Variants in COP1 observed in about 807,000 individuals in gnomAD.
COP1 encodes the protein E3 ubiquitin-protein ligase COP1.
Under a neutral mutation model 101.3 loss-of-function variants are expected in COP1, and 24 were observed. The ratio of observed to expected loss-of-function variants is 0.24; its 90% CI spans 0.17 to 0.33. The LOEUF (loss-of-function observed/expected upper bound fraction) is 0.33, where lower values mean the gene tolerates loss of function less well. Among genes scored for constraint, COP1 ranks in the 10% least tolerant of loss-of-function variants. COP1 has a pLI of 1.00. For missense variants in COP1, 663 were observed against 906.2 expected, an observed-to-expected ratio of 0.73 and a Z score of 3.45; for synonymous variants, 347 against 341.9, an observed-to-expected ratio of 1.01 and a Z score of -0.17.
At chr1:176,070,318 T>C (rs1181474616) in intron 11 of COP1, among the ~76,000 whole-genome samples, 1 of 151,374 alleles carries the variant, frequency 6.6e-6, no homozygotes, top group Non-Finnish European at 1.5e-5. Context: ...TATCTCCCTA[T>C]TGCCACTTGT....
intron 3 of COP1, among the ~76,000 whole-genome samples, chr1:176,175,278 C>T (rs1281558767): frequency 2.6e-5 from 4 of 152,098 alleles, no homozygotes; most frequent in Non-Finnish European, 5.9e-5. Flanking sequence ...CACAGGGATA[C>T]CTAAAGGTGT....
intron 11 of COP1, among the ~76,000 whole-genome samples, chr1:176,072,516 C>A (rs536599491): frequency 6.6e-6 from 1 of 152,182 alleles, no homozygotes. Context: ...TCTCAACCAA[C>A]CCCAGATGGT....
intron 5 of COP1, among the ~76,000 whole-genome samples, chr1:176,152,479 AC>A (rs1266705942): frequency 6.6e-6 from 1 of 151,564 alleles, no homozygotes; most frequent in Non-Finnish European, 1.5e-5. Flanking sequence ...ACAGAGCCTC[AC>A]TCTGTTTCCC....
chr1:176,140,990 GA>G (rs1331289584), intron 6 of COP1, among the ~76,000 whole-genome samples: 1 of 152,128 alleles, frequency 6.6e-6, no homozygotes, highest in Non-Finnish European at 1.5e-5. Context: ...CCCTTACGAA[GA>G]TAATAGATAG....
rs1221346926 is a variant in COP1, at chr1:176,141,749, A to T, written c.832-5202T>A. ...CTTTTTCTTTTCTTTTTTTTTTTTT[A>T]AGACAGGGACTCATTTTGTCACCCA... On this transcript the variant is annotated intron_variant, in intron 6 of 19. Transcript: ENST00000367669. Among the ~76,000 whole-genome samples the T allele has an allele frequency of 3.5e-5, 5 of 141,928 alleles. 1 individual carries two copies. Among genetic ancestry groups the T allele is most frequent in the African/African-American group, 1.4e-4 (5 of 35,236 alleles). The allele number at this position is 141,928 out of a possible 152,430, so 93.1% of individuals were successfully genotyped here. A position where few individuals can be genotyped will look rare whatever the true frequency, so the allele number is the denominator to read the frequency against.
intron 18 of COP1, among the ~76,000 whole-genome samples, chr1:175,970,547 A>G (rs1040805359): frequency 1.3e-5 from 2 of 152,284 alleles, no homozygotes; most frequent in African/African-American, 4.8e-5. Flanking sequence ...AGCAGTTAAG[A>G]AGTAGATATA....
At chr1:175,988,661 C>A (rs570103734) in intron 16 of COP1, 11 of 326,322 alleles carry the variant, frequency 3.4e-5, no homozygotes, top group Non-Finnish European at 5.1e-5. Context: ...AGCAAAACAC[C>A]GTCTCTACTA....
intron 15 of COP1, among the ~76,000 whole-genome samples, chr1:175,990,570 A>G (rs945033211): frequency 6.6e-6 from 1 of 152,170 alleles, no homozygotes; most frequent in Non-Finnish European, 1.5e-5. Context: ...TGAAATATCA[A>G]AAGTGGAGTA....
chr1:176,095,131 C>G lies in COP1; in HGVS notation c.1027-9241G>C, dbSNP rs1436681020. On this transcript the variant is annotated intron_variant, in intron 9 of 19. Coordinates refer to ENST00000367669, the MANE Select transcript of COP1 (RefSeq NM_022457.7). ...TCATAAATTAACACTGCATGGAAAA[C>G]TATCATTATTTACACAATAAGTAAA... Among the ~76,000 whole-genome samples, 2 of 152,130 alleles carry G rather than the reference C, an allele frequency of 1.3e-5. 1 individual carries two copies. Among genetic ancestry groups the G allele is most frequent in the Admixed American group, 1.3e-4 (2 of 15,274 alleles).
At chr1:176,058,065 C>A (rs1473896974) in intron 11 of COP1, among the ~76,000 whole-genome samples, 3 of 147,448 alleles carry the variant, frequency 2.0e-5, no homozygotes, top group South Asian at 4.4e-4. Context: ...CCGGCAGCCG[C>A]CCCGGCCGGG....
chr1:176,136,237 ATTTT>A (rs889590672), intron 7 of COP1, among the ~76,000 whole-genome samples: 2 of 151,900 alleles, frequency 1.3e-5, no homozygotes, highest in Non-Finnish European at 2.9e-5. Context: ...AAACTGAGCG[ATTTT>A]TTTTGTCAGT....
In COP1 at chr1:176,175,849, G is replaced by A. The variant is rs925291793; in HGVS notation, c.565+61C>T. 3.3e-5 allele frequency: 30 copies of A among 916,664 alleles called. 1 individual carries two copies. Among genetic ancestry groups the A allele is most frequent in the African/African-American group, 1.1e-4 (7 of 61,010 alleles). 56.8% of individuals were successfully genotyped at this position (916,664 alleles called of 1,614,324 possible). A position where few individuals can be genotyped will look rare whatever the true frequency, so the allele number is the denominator to read the frequency against. On this transcript the variant is annotated intron_variant, in intron 3 of 19. Coordinates refer to ENST00000367669, the MANE Select transcript of COP1 (RefSeq NM_022457.7). The stretch of plus-strand genomic sequence containing the variant: ...AGGTAGGTTTTCTGAATAAATTAGC[G>A]CTAGCACACAATTTTGGGGATCGAA...
chr1:176,075,732 C>T (rs540323037), intron 11 of COP1, among the ~76,000 whole-genome samples: 12 of 152,106 alleles, frequency 7.9e-5, no homozygotes, highest in African/African-American at 1.7e-4. Context: ...AGGCTGGGTG[C>T]GGTGGCTCAT....
At chr1:176,037,452 G>C (rs1199230837) in intron 14 of COP1, among the ~76,000 whole-genome samples, 1 of 145,044 alleles carries the variant, frequency 6.9e-6, no homozygotes, top group Non-Finnish European at 1.5e-5. Flanking sequence ...GCACATAGAA[G>C]AGGAAAATCA....
intron 11 of COP1, 68 bp from the exon 12 acceptor site, chr1:176,046,392 G>C (rs571079985): frequency 6.9e-7 from 1 of 1,446,702 alleles, no homozygotes; most frequent in Admixed American, 2.2e-5. Context: ...AAGTAATTCG[G>C]TCTACAAGGA....
intron 15 of COP1, among the ~76,000 whole-genome samples, chr1:175,990,056 T>C (rs1254042416): frequency 6.6e-6 from 1 of 151,966 alleles, no homozygotes; most frequent in Non-Finnish European, 1.5e-5. Context: ...CAGTTAGCTT[T>C]GTTATTCTTT....
chr1:176,142,454 A>G (rs1690848258), intron 6 of COP1, among the ~76,000 whole-genome samples: 1 of 152,144 alleles, frequency 6.6e-6, no homozygotes, highest in Non-Finnish European at 1.5e-5. Flanking sequence ...GTCCAACCAT[A>G]TGCTATCTAT....
intron 5 of COP1, among the ~76,000 whole-genome samples, chr1:176,158,280 A>C (rs1029149414): frequency 1.3e-5 from 2 of 152,166 alleles, no homozygotes; most frequent in Non-Finnish European, 2.9e-5. Flanking sequence ...CCAATCTGGA[A>C]TTTTATACTT....
Position 175,988,422 on chromosome 1 carries a change from A to T in COP1, c.1848-10T>A. 6.3e-7 allele frequency: 1 copy of T among 1,581,920 alleles called. No homozygotes were observed. The highest frequency in any genetic ancestry group is 8.6e-7 in the Non-Finnish European group (1 of 1,161,544). On this transcript the variant is annotated splice_polypyrimidine_tract_variant and intron_variant, in intron 16 of 19. Transcript: ENST00000367669. ...CTGACTGTCTGTTGAGCTGAGGAAAAGTACAAAGAGTAAGAACTTACTTAA... is the reference window on the plus strand; with the variant it reads ...CTGACTGTCTGTTGAGCTGAGGAAATGTACAAAGAGTAAGAACTTACTTAA...
Sources: allele counts gnomAD v4.1 joint callset (sites outside exome capture counted in the v4.1 genomes callset), GRCh38; gene constraint gnomAD v4.1.1; transcripts MANE v1.5; gene names NCBI Gene and HGNC (gene_info 2026-07-23, HGNC 2026-07-21).